The following RGS9 variants were observed in gnomAD, a reference collection of about 807,000 sequenced individuals.
The protein encoded by RGS9 is regulator of G-protein signalling 9.
A neutral mutation model predicts 102.0 loss-of-function variants in RGS9; 78 were observed. The observed-to-expected ratio is 0.76, with a 90% CI of 0.64 to 0.92. The LOEUF (loss-of-function observed/expected upper bound fraction) is 0.92, where lower values mean the gene tolerates loss of function less well. RGS9 is among the 40% of genes least tolerant of loss of function. The pLI is 0.00. For missense variants in RGS9, 833 were observed against 866.1 expected (o/e 0.96, Z 0.48); for synonymous variants, 353 against 318.6 (o/e 1.11, Z -1.15).
intron 17 of RGS9, among the ~76,000 whole-genome samples, chr17:65,219,836 T>C (rs1774779820): frequency 6.6e-6 from 1 of 152,018 alleles, no homozygotes; most frequent in Admixed American, 6.6e-5. Context: ...ATCACCATTA[T>C]CACCATCACC....
intron 2 of RGS9, 68 bp from the exon 3 acceptor site, chr17:65,158,227 A>T (rs1910843939): frequency 2.7e-6 from 4 of 1,461,070 alleles, no homozygotes; most frequent in Non-Finnish European, 3.8e-6. Flanking sequence ...CAGTCAGGCA[A>T]CAGCGTGGAG....
intron 8 of RGS9, among the ~76,000 whole-genome samples, chr17:65,174,419 GA>G (rs1911536027): frequency 6.6e-6 from 1 of 152,072 alleles, no homozygotes; most frequent in African/African-American, 2.4e-5. Context: ...GTGAGTGTGT[GA>G]ATGTATGTGT....
At chr17:65,174,865 G>C (rs1011462360) in intron 8 of RGS9, among the ~76,000 whole-genome samples, 19 of 152,156 alleles carry the variant, frequency 1.2e-4, no homozygotes, top group African/African-American at 4.3e-4. Flanking sequence ...ATCTGACATG[G>C]TGGCAGGCGA....
At chr17:65,193,838 G>A (rs1293303199) in intron 12 of RGS9, among the ~76,000 whole-genome samples, 182 bp downstream of exon 12, 1 of 152,082 alleles carries the variant, frequency 6.6e-6, no homozygotes, top group Non-Finnish European at 1.5e-5. Context: ...TCCAGCCTTA[G>A]GCAACTATGA....
intron 8 of RGS9, among the ~76,000 whole-genome samples, chr17:65,174,693 C>T (rs1911555921): frequency 6.6e-6 from 1 of 151,894 alleles, no homozygotes. Flanking sequence ...TATGTGTGTG[C>T]ATGTATGTGA....
chr17:65,197,779 C>T (rs1276188143), intron 13 of RGS9, among the ~76,000 whole-genome samples: 1 of 152,026 alleles, frequency 6.6e-6, no homozygotes, highest in Non-Finnish European at 1.5e-5. Flanking sequence ...AAGCGATTCC[C>T]CTGCCTCAGC....
At chr17:65,174,332 G>C (rs1911532500) in intron 8 of RGS9, among the ~76,000 whole-genome samples, 1 of 152,216 alleles carries the variant, frequency 6.6e-6, no homozygotes, top group South Asian at 2.1e-4. Context: ...GCCAGACACT[G>C]GTTGTAGGGC....
At chr17:65,223,927 T>C (rs58981948) in intron 17 of RGS9, among the ~76,000 whole-genome samples, 4,979 of 151,718 alleles carry the variant, frequency 0.033, 269 homozygotes, top group African/African-American at 0.12. Flanking sequence ...TTTTTTTTTT[T>C]TGTATTTTTA....
At chr17:65,160,660 G>A (rs1910948213) in intron 5 of RGS9, 73 bp downstream of exon 5, 2 of 1,546,194 alleles carry the variant, frequency 1.3e-6, no homozygotes, top group Admixed American at 1.7e-5. Context: ...GCACTTTGGT[G>A]ACATTTGTCT....
chr17:65,215,831 G>A (rs2144119772), intron 17 of RGS9, among the ~76,000 whole-genome samples: 1 of 152,270 alleles, frequency 6.6e-6, no homozygotes, highest in African/African-American at 2.4e-5. Flanking sequence ...AAAGTGCTGG[G>A]ATTACAGGTG....
intron 15 of RGS9, among the ~76,000 whole-genome samples, chr17:65,207,416 T>C (rs1260610104): frequency 1.3e-5 from 2 of 152,210 alleles, no homozygotes; most frequent in Non-Finnish European, 2.9e-5. Flanking sequence ...ATTGTTTAGG[T>C]GTCCTCATGT....
intron 11 of RGS9, among the ~76,000 whole-genome samples, chr17:65,191,489 C>A (rs1912366435): frequency 1.3e-5 from 2 of 151,904 alleles, no homozygotes; most frequent in Non-Finnish European, 2.9e-5. Context: ...GTGGGCAGAT[C>A]ACCTGAGGTC....
Position 65,147,509 on chromosome 17 carries a change from C to G in RGS9, c.58-5913C>G, listed in dbSNP as rs527646332. Reference sequence around the variant, plus strand: ...TGCCTGAGTGACAGGTGGCAGGTAGCATTTTTCCACTTCAGGACTCCCTTG... The same window carrying G: ...TGCCTGAGTGACAGGTGGCAGGTAGGATTTTTCCACTTCAGGACTCCCTTG... On this transcript the variant is annotated intron_variant, in intron 1 of 18. Transcript: ENST00000262406. Among the ~76,000 whole-genome samples the G allele has an allele frequency of 1.3e-3, 198 of 151,198 alleles. 2 individuals are homozygous for G. The highest frequency in any genetic ancestry group is 9.8e-3 in the South Asian group (47 of 4,794).
Position 65,209,832 on chromosome 17 carries a change from CT to C in RGS9, c.1290-653del, listed in dbSNP as rs1412656737. Among the ~76,000 whole-genome samples, 4 of 152,324 alleles carry C rather than the reference CT, an allele frequency of 2.6e-5. No homozygotes were observed. The East Asian group carries it at 7.7e-4, about 29-fold the overall frequency. On this transcript the variant is annotated intron_variant, in intron 16 of 18. Transcript: ENST00000262406. Reference sequence around the variant, plus strand: ...GTGACTCACGCCTGTAATCCCAGCACTTTGGGAGGCTGAGGCGGATGGATCA... The same window carrying C: ...GTGACTCACGCCTGTAATCCCAGCACTTGGGAGGCTGAGGCGGATGGATCA...
rs878953965 is a variant in RGS9 at position 65,202,099 on chromosome 17, G to C, written c.1064+19G>C. On this transcript the variant is annotated intron_variant, in intron 14 of 18. Coordinates refer to ENST00000262406, the MANE Select transcript of RGS9 (RefSeq NM_003835.4). ...TTTACAAGTGAGCATCAGCCAGGGT[G>C]CTGGAAAGCCTTCCCTTGGGCCTCT... The C allele has an allele frequency of 6.3e-7, 1 of 1,586,668 alleles. No individual in the cohort carries two copies. Among genetic ancestry groups the C allele is most frequent in the South Asian group, 1.1e-5 (1 of 90,406 alleles).
intron 8 of RGS9, among the ~76,000 whole-genome samples, chr17:65,170,404 A>G (rs967050783): frequency 2.6e-5 from 4 of 152,078 alleles, no homozygotes; most frequent in Non-Finnish European, 5.9e-5. Flanking sequence ...AGGGTTTATT[A>G]TTATTCTCAT....
intron 8 of RGS9, among the ~76,000 whole-genome samples, chr17:65,175,597 A>G (rs1218275783): frequency 6.6e-6 from 1 of 152,170 alleles, no homozygotes; most frequent in African/African-American, 2.4e-5. Flanking sequence ...TGGGCTCCCC[A>G]GGGCTCAGCA....
At chr17:65,211,206 C>A (rs1037477110) in intron 17 of RGS9, among the ~76,000 whole-genome samples, 2 of 152,160 alleles carry the variant, frequency 1.3e-5, no homozygotes, top group South Asian at 2.1e-4. Flanking sequence ...GAGGATCCGC[C>A]GAGGGGCTAG....
intron 16 of RGS9, among the ~76,000 whole-genome samples, chr17:65,208,966 A>G (rs1014497729): frequency 4.6e-5 from 7 of 152,218 alleles, no homozygotes; most frequent in Non-Finnish European, 7.3e-5. Context: ...CAAGTAAGGA[A>G]GGGAGTTCAG....
Sources: allele counts gnomAD v4.1 joint callset (sites outside exome capture counted in the v4.1 genomes callset), GRCh38; gene constraint gnomAD v4.1.1; transcripts MANE v1.5; gene names NCBI Gene and HGNC (gene_info 2026-07-23, HGNC 2026-07-21).